Variants in GJA9 observed in about 807,000 individuals in gnomAD.
GJA9 encodes gap junction alpha-9 protein.
GJA9 carries 1 observed loss-of-function variant against 0.4 expected under a neutral mutation model. The ratio of observed to expected loss-of-function variants is 2.50; its 90% CI spans 0.89 to 11.88. The LOEUF is 11.88. Ranked by LOEUF, GJA9 falls within the 30% of genes most tolerant of loss-of-function variation. GJA9 has a pLI of 0.12. For missense variants in GJA9, 550 were observed against 602.8 expected (o/e 0.91, Z 0.92); for synonymous variants, 190 against 219.1 (o/e 0.87, Z 1.17).
At position 38,874,841 on chromosome 1, in the gene GJA9, G is replaced by A; in HGVS notation, c.1258C>T (p.Arg420Trp). Residue 420 changes from arginine (R) to tryptophan (W), a missense_variant, in exon 2 of 2, where the codon CGG becomes TGG. Arg to Trp is a moderately radical substitution (Grantham distance 101). Coordinates refer to ENST00000357771, the MANE Select transcript of GJA9 (RefSeq NM_030772.5). Reference protein sequence around the residue: ...SLPANCDWKPRWLRATWGSST... With the variant: ...SLPANCDWKPWWLRATWGSST... ...GAACCCCATGTAGCTCTAAGCCACC[G>A]CGGTTTCCAATCGCAGTTAGCTGGC... 1 of 1,614,148 alleles carries A rather than the reference G, an allele frequency of 6.2e-7. No individual in the cohort carries two copies. The highest frequency in any genetic ancestry group is 8.5e-7 in the Non-Finnish European group (1 of 1,180,026).
intron 1 of GJA9, among the ~76,000 whole-genome samples, chr1:38,876,956 G>A (rs796315793): frequency 2.0e-4 from 31 of 151,994 alleles, no homozygotes; most frequent in African/African-American, 6.3e-4. Flanking sequence ...TCAAACCCTT[G>A]ACCTCAGATG....
In GJA9 at chr1:38,875,433, T is replaced by A; in HGVS notation, c.666A>T (p.Ser222=). Residue 222 remains serine (S), a synonymous_variant, in exon 2 of 2, where the codon TCA becomes TCT. Transcript: ENST00000357771. ...AAATTTCAAGAATGTTTAAGAAAAG[T>A]GAAATAGTGGCTATAGATTGCATAA... ...LLFMQSIATI[S]LFLNILEIFH... is the part of the protein sequence containing the mutation. 6.2e-7 allele frequency: 1 copy of A among 1,613,870 alleles called. No individual in the cohort carries two copies. Among genetic ancestry groups the A allele is most frequent in the Non-Finnish European group, 8.5e-7 (1 of 1,179,906 alleles).
chr1:38,877,652 A>T (rs1642613874), intron 1 of GJA9, among the ~76,000 whole-genome samples: 1 of 151,106 alleles, frequency 6.6e-6, no homozygotes, highest in African/African-American at 2.4e-5. Context: ...GCCTGCCAAC[A>T]CCCCCCGGGA....
chr1:38,881,218 TAAAA>T (rs1210083549), intron 1 of GJA9, among the ~76,000 whole-genome samples: 2 of 152,078 alleles, frequency 1.3e-5, no homozygotes, highest in East Asian at 1.9e-4. Context: ...TTTATAATCA[TAAAA>T]AGAAAGAAAA....
chr1:38,880,814 T>G (rs1032825748), intron 1 of GJA9, among the ~76,000 whole-genome samples: 4 of 152,086 alleles, frequency 2.6e-5, no homozygotes, highest in African/African-American at 9.7e-5. Flanking sequence ...AAGTTAAGTC[T>G]CATTTATGGT....
chr1:38,877,489 A>AT (rs1016197252), intron 1 of GJA9, among the ~76,000 whole-genome samples: 20 of 151,260 alleles, frequency 1.3e-4, no homozygotes, highest in Non-Finnish European at 2.5e-4. Flanking sequence ...AAAGTCAGTG[A>AT]TTTTTTTTTC....
Position 38,881,453 on chromosome 1 carries a change from T to G in GJA9, c.-117A>C. 1.4e-6 allele frequency: 1 copy of G among 701,968 alleles called. No homozygotes were observed. Among genetic ancestry groups the G allele is most frequent in the Non-Finnish European group, 2.6e-6 (1 of 384,632 alleles). 43.5% of individuals were successfully genotyped at this position (701,968 alleles called of 1,614,324 possible). The stretch of plus-strand genomic sequence containing the variant: ...AAACCTTTCTTAGTTTAGGTAAATC[T>G]GAGAAGCAAACCATGTTTAGAAGTT... On this transcript the variant is annotated 5_prime_UTR_variant, in exon 1 of 2. Coordinates refer to ENST00000357771, the MANE Select transcript of GJA9 (RefSeq NM_030772.5).
intron 1 of GJA9, among the ~76,000 whole-genome samples, chr1:38,879,905 A>C (rs1451468328): frequency 6.6e-6 from 1 of 150,754 alleles, no homozygotes; most frequent in Non-Finnish European, 1.5e-5. Context: ...TTTTTTTGTT[A>C]TTTTTAGTAG....
intron 1 of GJA9, among the ~76,000 whole-genome samples, chr1:38,879,882 C>G (rs1642660193): frequency 6.6e-6 from 1 of 151,986 alleles, no homozygotes; most frequent in East Asian, 2.0e-4. Context: ...CGCCTGCCAC[C>G]ACGCCCGGCT....
Position 38,875,576 on chromosome 1 carries a change from G to A in GJA9, c.523C>T (p.Gln175Ter), listed in dbSNP as rs372143870. The A allele has an allele frequency of 2.5e-6, 4 of 1,614,092 alleles. No homozygotes were observed. The highest frequency in any genetic ancestry group is 3.4e-6 in the Non-Finnish European group (4 of 1,180,050). Residue 175 changes from glutamine to a stop codon, truncating the protein, a stop_gained, in exon 2 of 2, where the codon CAG becomes TAG. Coordinates refer to ENST00000357771, the MANE Select transcript of GJA9 (RefSeq NM_030772.5). LOFTEE classifies it low-confidence loss of function (END_TRUNC). ...AAGTGAAATCCATATAAAAGGTACT[G>A]TCCAATCATGAATCCAACTTCAACC... Reference protein sequence around the residue: ...SVVEVGFMIGQYLLYGFHLEP... With the variant: ...SVVEVGFMIG
intron 1 of GJA9, among the ~76,000 whole-genome samples, chr1:38,879,827 C>A (rs534911846): frequency 6.6e-6 from 1 of 152,078 alleles, no homozygotes; most frequent in South Asian, 2.1e-4. Context: ...CCCGGGTTCA[C>A]GCCATTCTCC....
rs762871063 is a variant in GJA9, at chr1:38,875,826, G to C, written c.273C>G (p.Val91=). The stretch of plus-strand genomic sequence containing the variant: ...GTCGGTACAATGCATGGCCCATGTA[G>C]ACCAGGGATGGTGAAGACACAAATA... The part of the protein sequence containing the change: ...QVIFVSSPSL[V]YMGHALYRLR... Residue 91 remains valine (V), a synonymous_variant, in exon 2 of 2, where the codon GTC becomes GTG. Coordinates refer to ENST00000357771, the MANE Select transcript of GJA9 (RefSeq NM_030772.5). 1.9e-6 allele frequency: 3 copies of C among 1,614,216 alleles called. No individual in the cohort carries two copies. In the South Asian group the frequency reaches 3.3e-5, roughly 18 times the overall value.
rs1642697093 is a variant in GJA9, at chr1:38,881,520, T to C, written c.-184A>G. On this transcript the variant is annotated 5_prime_UTR_variant, in exon 1 of 2. Transcript: ENST00000357771. ...CAATTTATTTTCTGAATTTGTCCCT[T>C]TGCTGGTATAGAGCAGATTCAGTTC... 1 of 699,890 alleles carries C rather than the reference T, an allele frequency of 1.4e-6. No homozygotes were observed. Among genetic ancestry groups the C allele is most frequent in the Non-Finnish European group, 2.6e-6 (1 of 383,658 alleles). The allele number at this position is 699,890 out of a possible 1,614,324, so 43.4% of individuals were successfully genotyped here. A position where few individuals can be genotyped will look rare whatever the true frequency, so the allele number is the denominator to read the frequency against.
chr1:38,879,410 T>A (rs1010032057), intron 1 of GJA9, among the ~76,000 whole-genome samples: 10 of 152,082 alleles, frequency 6.6e-5, no homozygotes, highest in African/African-American at 2.2e-4. Context: ...TCCTATGCGG[T>A]AAGTATGTTG....
At position 38,881,546 on chromosome 1, in the gene GJA9, A is replaced by G. The variant is rs1570903764; in HGVS notation, c.-210T>C. On this transcript the variant is annotated 5_prime_UTR_variant, in exon 1 of 2. The change abolishes the stop of an existing upstream ORF in the 5' untranslated region. Transcript: ENST00000357771. ...TGCTGGTATAGAGCAGATTCAGTTCAGTTGAATGTAGTGAGTGAGTCATCC... is the reference window on the plus strand; with the variant it reads ...TGCTGGTATAGAGCAGATTCAGTTCGGTTGAATGTAGTGAGTGAGTCATCC... 11 of 691,690 alleles carry G rather than the reference A, an allele frequency of 1.6e-5. No individual in the cohort carries two copies. In the East Asian group the frequency reaches 3.0e-4, roughly 19 times the overall value. The allele number at this position is 691,690 out of a possible 1,614,324, so 42.8% of individuals were successfully genotyped here. A position where few individuals can be genotyped will look rare whatever the true frequency, so the allele number is the denominator to read the frequency against.
Position 38,875,347 on chromosome 1 carries a change from T to C in GJA9, c.752A>G (p.Glu251Gly), listed in dbSNP as rs751077343. The stretch of plus-strand genomic sequence containing the variant: ...CTTGTTTGCATGGAATTCATTATGT[T>C]CCTTCTTCAACTTGTATTTTCCCCA... ...GLWGKYKLKKEHNEFHANKAK... is the reference protein window; with the variant it reads ...GLWGKYKLKKGHNEFHANKAK... Residue 251 changes from glutamate to glycine, a missense_variant, in exon 2 of 2, where the codon GAA becomes GGA. Physicochemically the swap from Glu to Gly is moderately conservative, Grantham distance 98. Transcript: ENST00000357771. 5.6e-6 allele frequency: 9 copies of C among 1,614,218 alleles called. No individual in the cohort carries two copies. Among genetic ancestry groups the C allele is most frequent in the Non-Finnish European group, 7.6e-6 (9 of 1,180,032 alleles).
chr1:38,880,512 G>A (rs888665029), intron 1 of GJA9, among the ~76,000 whole-genome samples: 6 of 151,346 alleles, frequency 4.0e-5, no homozygotes, highest in African/African-American at 7.3e-5. Flanking sequence ...GGCCAGGCGC[G>A]GTGGCTCACG....
rs762926129 is a variant in GJA9 at position 38,875,920 on chromosome 1, C to G, written c.179G>C (p.Gly60Ala). 3.1e-6 allele frequency: 5 copies of G among 1,614,110 alleles called. No homozygotes were observed. The Admixed American group carries it at 8.3e-5, about 27-fold the overall frequency. Residue 60 changes from glycine (G) to alanine (A), a missense_variant, in exon 2 of 2, where the codon GGC becomes GCC. Physicochemically the swap from Gly to Ala is moderately conservative, Grantham distance 60. Coordinates refer to ENST00000357771, the MANE Select transcript of GJA9 (RefSeq NM_030772.5). ...CTGGTCGTAGCATACATTTCTGCAG[C>G]CTGGTTGTTCTGTATTGCAGATGAA... ...SGFICNTEQP[G>A]CRNVCYDQAF...
At chr1:38,878,521 C>G (rs1269371801) in intron 1 of GJA9, among the ~76,000 whole-genome samples, 1 of 150,186 alleles carries the variant, frequency 6.7e-6, no homozygotes, top group Non-Finnish European at 1.5e-5. Flanking sequence ...TACAAAAATA[C>G]AAAAAATTAG....
Sources: gnomAD v4.1 joint callset for allele counts (sites outside exome capture counted in the v4.1 genomes callset) on GRCh38, gnomAD v4.1.1 for gene constraint, MANE v1.5 for transcripts, NCBI Gene and HGNC (gene_info 2026-07-23, HGNC 2026-07-21) for gene names.